ZNF681: variants seen among roughly 807,000 people sequenced by gnomAD.
The protein encoded by ZNF681 is zinc finger protein 681, also known as hypothetical protein FLJ31526.
ZNF681 carries 37 observed loss-of-function variants against 56.0 expected under a neutral mutation model. The observed-to-expected ratio is 0.66, with a 90% CI of 0.51 to 0.87. ZNF681 has a LOEUF of 0.87. Ranked by LOEUF, ZNF681 falls within the 40% of genes least tolerant of loss-of-function variation. The pLI, the probability that ZNF681 is intolerant of heterozygous loss-of-function variation, is 0.00. For synonymous variants in ZNF681, 225 were observed against 248.6 expected (o/e 0.91, Z 0.89); for missense variants, 741 against 744.9 (o/e 0.99, Z 0.06).
chr19:23,754,832 C>G lies in ZNF681; in HGVS notation c.217G>C (p.Glu73Gln). ...TTTCACTCTCACCTACCTGGGGGTT[C>G]GGCCACCATCCTATGTCTCTTTCTA... ...WTRKRHRMVA[E>Q]PPVICSHFAQ... Residue 73 changes from glutamate to glutamine, a missense_variant, in exon 3 of 4, where the codon GAA becomes CAA. Physicochemically the swap from Glu to Gln is conservative, Grantham distance 29. Coordinates refer to ENST00000402377, the MANE Select transcript of ZNF681 (RefSeq NM_138286.3). 1.2e-6 allele frequency: 2 copies of G among 1,613,870 alleles called. No homozygotes were observed. Among genetic ancestry groups the G allele is most frequent in the Non-Finnish European group, 1.7e-6 (2 of 1,179,870 alleles).
intron 3 of ZNF681, among the ~76,000 whole-genome samples, chr19:23,750,997 C>T (rs953642312): frequency 2.0e-5 from 3 of 146,566 alleles, no homozygotes; most frequent in East Asian, 4.0e-4. Context: ...GGCATGGTGG[C>T]ACATGCCTGT....
At chr19:23,754,789 G>T in intron 3 of ZNF681, 34 bp downstream of exon 3, 1 of 1,537,558 alleles carries the variant, frequency 6.5e-7, no homozygotes, top group Non-Finnish European at 9.0e-7. Context: ...GCTCATCTAT[G>T]TTATCTGTTG....
At chr19:23,753,825 G>A (rs1464406004) in intron 3 of ZNF681, among the ~76,000 whole-genome samples, 1 of 130,652 alleles carries the variant, frequency 7.7e-6, no homozygotes, top group East Asian at 2.4e-4. Context: ...TTGTGCCACT[G>A]CACTTCAGCC....
In ZNF681 at chr19:23,740,723, TAAA is replaced by T. The variant is rs35219653; in HGVS notation, c.*2886_*2888del. On this transcript the variant is annotated 3_prime_UTR_variant, in exon 4 of 4. Transcript: ENST00000402377. ...TATAAAAACTGAAAGGAACAAAAAC[TAAA>T]AAAAGTAGGCTTATACAGCGTTCTC... is the stretch of plus-strand genomic sequence containing the variant. 1 of 151,700 alleles carries T rather than the reference TAAA, an allele frequency of 6.6e-6. No homozygotes were observed. Among genetic ancestry groups the T allele is most frequent in the African/African-American group, 2.4e-5 (1 of 41,298 alleles). 9.4% of individuals were successfully genotyped at this position (151,700 alleles called of 1,614,324 possible). A position where few individuals can be genotyped will look rare whatever the true frequency, so the allele number is the denominator to read the frequency against.
intron 3 of ZNF681, among the ~76,000 whole-genome samples, chr19:23,749,607 T>TAA (rs75741075): frequency 1.5e-5 from 2 of 137,510 alleles, no homozygotes; most frequent in African/African-American, 2.7e-5. Context: ...ATGCCTGGGT[T>TAA]AAAAAAAAAA....
intron 3 of ZNF681, among the ~76,000 whole-genome samples, chr19:23,753,161 G>A (rs1969058365): frequency 6.6e-6 from 1 of 152,310 alleles, no homozygotes; most frequent in African/African-American, 2.4e-5. Context: ...CACTTTGGGA[G>A]GCTGAGGCAG....
At chr19:23,749,045 T>C (rs1818987) in intron 3 of ZNF681, among the ~76,000 whole-genome samples, 149,031 of 152,306 alleles carry the variant, frequency 0.98, 73,007 homozygotes, top group Middle Eastern at 1. Context: ...CATATTTGAA[T>C]ATTGATGTTT....
chr19:23,754,891 A>T lies in ZNF681; in HGVS notation c.158T>A (p.Ile53Asn). Residue 53 changes from isoleucine to asparagine, a missense_variant, in exon 3 of 4, where the codon ATC becomes AAC. Transcript: ENST00000402377. ...CTCTTTTTCTTGTTCCAGACAGGTG[A>T]TCAGGTCTGGCTTAGAGACAACAAT... ...LGIVVSKPDL[I>N]TCLEQEKEPW... The T allele has an allele frequency of 6.2e-7, 1 of 1,614,010 alleles. No homozygotes were observed. Among genetic ancestry groups the T allele is most frequent in the Non-Finnish European group, 8.5e-7 (1 of 1,179,984 alleles).
At chr19:23,749,723 C>T (rs532289604) in intron 3 of ZNF681, among the ~76,000 whole-genome samples, 17 of 151,998 alleles carry the variant, frequency 1.1e-4, no homozygotes, top group Admixed American at 4.6e-4. Context: ...TCTGGGATTA[C>T]ACATGTAAGC....
At chr19:23,749,585 G>T (rs886571528) in intron 3 of ZNF681, among the ~76,000 whole-genome samples, 2 of 150,810 alleles carry the variant, frequency 1.3e-5, no homozygotes, top group African/African-American at 4.9e-5. Flanking sequence ...GGGACCACAG[G>T]TGCACACAAC....
chr19:23,756,167 T>C (rs1286159578), intron 1 of ZNF681, among the ~76,000 whole-genome samples: 27 of 151,790 alleles, frequency 1.8e-4, no homozygotes, highest in Admixed American at 1.8e-3. Context: ...CTACTAAAAA[T>C]ACAAAAAATT....
In ZNF681 at chr19:23,744,690, C is replaced by G. The variant is rs201038399; in HGVS notation, c.860G>C (p.Cys287Ser). 7.5e-6 allele frequency: 12 copies of G among 1,596,378 alleles called. No homozygotes were observed. In the African/African-American group the frequency reaches 1.5e-4, roughly 20 times the overall value. Reference sequence around the variant, plus strand: ...TAAGGACTGATTAAAGGCTTTGTCACATTCTTCACGTTTGTAGGGATTCTC... The same window carrying G: ...TAAGGACTGATTAAAGGCTTTGTCAGATTCTTCACGTTTGTAGGGATTCTC... ...TGENPYKREE[C>S]DKAFNQSLTL... Residue 287 changes from cysteine (C) to serine (S), a missense_variant, in exon 4 of 4, where the codon TGT becomes TCT. By Grantham distance (112) the Cys-to-Ser change is moderately radical (BLOSUM62 -1). Transcript: ENST00000402377.
At chr19:23,756,398 C>T (rs1224164796) in intron 1 of ZNF681, among the ~76,000 whole-genome samples, 2 of 151,936 alleles carry the variant, frequency 1.3e-5, no homozygotes, top group Non-Finnish European at 2.9e-5. Context: ...CCTAAATACC[C>T]ATCAATGATA....
chr19:23,746,671 C>G (rs916393686), intron 3 of ZNF681, among the ~76,000 whole-genome samples: 2 of 152,182 alleles, frequency 1.3e-5, no homozygotes, highest in African/African-American at 4.8e-5. Context: ...GACTGCGTTG[C>G]AGCATGATGT....
chr19:23,751,524 G>A (rs149111867), intron 3 of ZNF681, among the ~76,000 whole-genome samples: 124 of 150,970 alleles, frequency 8.2e-4, no homozygotes, highest in African/African-American at 2.7e-3. Context: ...CTAGATAACC[G>A]TAATATGTGA....
rs1194034298 is a variant in ZNF681, at chr19:23,758,730, G to A, written c.3+17C>T. The A allele has an allele frequency of 1.2e-6, 2 of 1,614,204 alleles. No individual in the cohort carries two copies. Among genetic ancestry groups the A allele is most frequent in the Admixed American group, 1.7e-5 (1 of 60,030 alleles). ...GCCCCTTCCCCTCTCTCGGGATGTC[G>A]GACCCGACATTCTCACCATTTCTAG... is the stretch of plus-strand genomic sequence containing the variant. On this transcript the variant is annotated intron_variant, in intron 1 of 3. Transcript: ENST00000402377.
At chr19:23,745,365 C>A (rs200785901) in intron 3 of ZNF681, 42 bp from the exon 4 acceptor site, 2 of 1,432,228 alleles carry the variant, frequency 1.4e-6, no homozygotes, top group East Asian at 4.9e-5. Flanking sequence ...CTTGATAAGA[C>A]TCTAAATATA....
Position 23,743,842 on chromosome 19 carries a change from C to A in ZNF681, c.1708G>T (p.Ala570Ser), listed in dbSNP as rs1258185358. 1.1e-5 allele frequency: 17 copies of A among 1,612,024 alleles called. No individual in the cohort carries two copies. The highest frequency in any genetic ancestry group is 1.4e-5 in the Non-Finnish European group (17 of 1,179,552). ...KPYQCEECGK[A>S]FNQSSHLTRH... ...GTAAGGTGTGAGGACTGGTTAAAGG[C>A]TTTACCACATTCTTCACATTGGTAG... is the stretch of plus-strand genomic sequence containing the variant. Residue 570 changes from alanine (A) to serine (S), a missense_variant, in exon 4 of 4, where the codon GCC becomes TCC. Physicochemically the swap from Ala to Ser is moderately conservative, Grantham distance 99 (BLOSUM62 1). Coordinates refer to ENST00000402377, the MANE Select transcript of ZNF681 (RefSeq NM_138286.3).
chr19:23,747,331 T>C (rs1489318535), intron 3 of ZNF681, among the ~76,000 whole-genome samples: 1 of 152,070 alleles, frequency 6.6e-6, no homozygotes, highest in Non-Finnish European at 1.5e-5. Flanking sequence ...ATATATTCAA[T>C]ATAATTTCTA....
Sources: allele counts gnomAD v4.1 joint callset (sites outside exome capture counted in the v4.1 genomes callset), GRCh38; gene constraint gnomAD v4.1.1; transcripts MANE v1.5; gene names NCBI Gene and HGNC (gene_info 2026-07-23, HGNC 2026-07-21).